The following HNRNPM variants were observed in gnomAD, a reference collection of about 807,000 sequenced individuals.
HNRNPM encodes heterogeneous nuclear ribonucleoprotein M.
HNRNPM carries 11 observed loss-of-function variants against 73.1 expected under a neutral mutation model. The observed-to-expected ratio is 0.15, with a 90% confidence interval of 0.09 to 0.25. The LOEUF (loss-of-function observed/expected upper bound fraction) is 0.25, where lower values mean the gene tolerates loss of function less well. HNRNPM is among the 10% of genes least tolerant of loss of function. HNRNPM has a pLI of 1.00. For missense variants in HNRNPM, 789 were observed against 1,067.9 expected (o/e 0.74, Z 3.64); for synonymous variants, 407 against 355.2 (o/e 1.15, Z -1.64).
Position 8,488,987 on chromosome 19 carries a change from C to G in HNRNPM, c.*133C>G. 1.2e-6 allele frequency: 1 copy of G among 810,236 alleles called. No individual in the cohort carries two copies. The highest frequency in any genetic ancestry group is 1.9e-6 in the Non-Finnish European group (1 of 526,906). 50.2% of individuals were successfully genotyped at this position (810,236 alleles called of 1,614,324 possible). ...TTGCTTTTTGGGGTAATTTGAATTA[C>G]TTTTTTAATGACTGGGGTTCCATTT... On this transcript the variant is annotated 3_prime_UTR_variant, in exon 16 of 16. Coordinates refer to ENST00000325495, the MANE Select transcript of HNRNPM (RefSeq NM_005968.5).
intron 9 of HNRNPM, among the ~76,000 whole-genome samples, chr19:8,470,577 C>G (rs762002001): frequency 6.6e-6 from 1 of 152,226 alleles, no homozygotes; most frequent in Non-Finnish European, 1.5e-5. Flanking sequence ...ATCCACCCGC[C>G]TTGGCCTCCC....
At chr19:8,468,710 C>A in intron 8 of HNRNPM, 64 bp from the exon 9 acceptor site, 1 of 1,268,522 alleles carries the variant, frequency 7.9e-7, no homozygotes, top group Non-Finnish European at 1.2e-6. Context: ...CCATTTCAGT[C>A]TTTTGCTGTT....
intron 8 of HNRNPM, among the ~76,000 whole-genome samples, chr19:8,467,920 G>T (rs561695215): frequency 6.6e-6 from 1 of 152,246 alleles, no homozygotes; most frequent in East Asian, 1.9e-4. Flanking sequence ...CCAGCTACTC[G>T]GGAGGCTGAG....
rs778980683 is a variant in HNRNPM, at chr19:8,462,606, T to G, written c.336+25T>G. The stretch of plus-strand genomic sequence containing the variant: ...GGTAAGTGTCTGAGAGAATTTCTTC[T>G]GTGGATTTACTACATGAAAAATGTA... On this transcript the variant is annotated intron_variant, in intron 3 of 15. Transcript: ENST00000325495. The surrounding 1 kb of genome is among the most constrained non-coding windows in gnomAD (Gnocchi z 4.5). The G allele has an allele frequency of 6.3e-7, 1 of 1,589,514 alleles. No homozygotes were observed. Among genetic ancestry groups the G allele is most frequent in the African/African-American group, 1.3e-5 (1 of 74,464 alleles).
chr19:8,471,861 G>C (rs1170950462), intron 10 of HNRNPM, among the ~76,000 whole-genome samples: 5 of 152,062 alleles, frequency 3.3e-5, no homozygotes, highest in Non-Finnish European at 7.4e-5. Context: ...AGAGAGCTAG[G>C]GGCATTGATA....
At position 8,486,195 on chromosome 19, in the gene HNRNPM, C is replaced by T. The variant is rs149350866; in HGVS notation, c.1767C>T (p.Leu589=). 2.5e-5 allele frequency: 39 copies of T among 1,583,286 alleles called. No homozygotes were observed. Among genetic ancestry groups the T allele is most frequent in the Admixed American group, 1.5e-4 (9 of 58,928 alleles). Residue 589 remains leucine (L), a synonymous_variant, in exon 14 of 16, where the codon CTC becomes CTT. Transcript: ENST00000325495. ...MGLERMGANS[L]ERMGPAMGPA... The stretch of plus-strand genomic sequence containing the variant: ...TGGAGCGCATGGGTGCCAACAGCCT[C>T]GAGCGCATGGGCCCTGCCATGGGCC...
chr19:8,479,280 G>C (rs1970740220), intron 12 of HNRNPM, among the ~76,000 whole-genome samples: 1 of 151,716 alleles, frequency 6.6e-6, no homozygotes, highest in Admixed American at 6.6e-5. Context: ...GGGTTTCACT[G>C]TGTTGGCCAG....
chr19:8,481,397 C>T (rs62119395), intron 12 of HNRNPM: 3,817 of 152,864 alleles, frequency 0.025, 67 homozygotes, highest in Middle Eastern at 0.05. Flanking sequence ...GAGCGGCTGG[C>T]GGCGGTGGGT....
At chr19:8,469,173 G>T (rs555885198) in intron 9 of HNRNPM, among the ~76,000 whole-genome samples, 2 of 152,322 alleles carry the variant, frequency 1.3e-5, no homozygotes, top group African/African-American at 4.8e-5. Flanking sequence ...AGTCCCATGT[G>T]GGCTAGCAGT....
Position 8,445,137 on chromosome 19 carries a change from C to G in HNRNPM, c.113+26C>G, listed in dbSNP as rs1057489777. The G allele has an allele frequency of 3.6e-6, 5 of 1,375,468 alleles. No individual in the cohort carries two copies. The South Asian group carries it at 6.9e-5, about 19-fold the overall frequency. 85.2% of individuals were successfully genotyped at this position (1,375,468 alleles called of 1,614,324 possible). On this transcript the variant is annotated intron_variant, in intron 1 of 15. Transcript: ENST00000325495. Reference sequence around the variant, plus strand: ...GTGAGTATCCCACGGTCCTTTGCCACGGGTAAGGGTTCCTCTCCGCGGCCG... The same window carrying G: ...GTGAGTATCCCACGGTCCTTTGCCAGGGGTAAGGGTTCCTCTCCGCGGCCG...
chr19:8,450,117 T>A (rs962093356), intron 1 of HNRNPM, among the ~76,000 whole-genome samples: 6 of 152,210 alleles, frequency 3.9e-5, no homozygotes, highest in African/African-American at 1.4e-4. Context: ...CTGTGAATAG[T>A]GCTCTCCACA....
intron 13 of HNRNPM, among the ~76,000 whole-genome samples, chr19:8,484,173 C>CTTT (rs33931165): frequency 3.6e-5 from 4 of 110,166 alleles, no homozygotes; most frequent in Admixed American, 1.0e-4. Context: ...CCTCCCATTT[C>CTTT]TTTTTTTTTT....
Position 8,485,647 on chromosome 19 carries a change from G to A in HNRNPM, c.1219G>A (p.Gly407Ser). The change falls in exon 14 of 16, where the codon GGC becomes AGC. Residue 407 changes from glycine (G) to serine (S), a missense_variant. By Grantham distance (56) the Gly-to-Ser change is moderately conservative. Coordinates refer to ENST00000325495, the MANE Select transcript of HNRNPM (RefSeq NM_005968.5). The part of the protein sequence containing the change: ...SVPGIERMGP[G>S]IDRLGGAGME... ...CCCTGGGATCGAGAGGATGGGTCCT[G>A]GCATTGACCGCCTCGGGGGTGCCGG... 6.2e-7 allele frequency: 1 copy of A among 1,607,368 alleles called. No homozygotes were observed. The highest frequency in any genetic ancestry group is 1.1e-5 in the South Asian group (1 of 90,996).
chr19:8,471,221 G>A, intron 9 of HNRNPM, 105 bp from the exon 10 acceptor site: 1 of 573,236 alleles, frequency 1.7e-6, no homozygotes. Context: ...GGTGGGGGTG[G>A]GTAGGCTGAA....
At chr19:8,484,541 A>T (rs1436237806) in intron 13 of HNRNPM, among the ~76,000 whole-genome samples, 1 of 152,200 alleles carries the variant, frequency 6.6e-6, no homozygotes, top group Non-Finnish European at 1.5e-5. Context: ...ACTGTGGGGA[A>T]GTTCTGAGAC....
intron 1 of HNRNPM, among the ~76,000 whole-genome samples, chr19:8,449,492 A>T (rs891289830): frequency 3.3e-5 from 5 of 152,090 alleles, no homozygotes; most frequent in African/African-American, 1.2e-4. Flanking sequence ...CAATAAAATT[A>T]TTGGTAGAAA....
intron 14 of HNRNPM, 84 bp from the exon 15 acceptor site, chr19:8,486,940 G>A: frequency 9.6e-7 from 1 of 1,039,806 alleles, no homozygotes; most frequent in Non-Finnish European, 1.5e-6. Flanking sequence ...GAGAAATCTA[G>A]CATGGCCCTC....
rs558277951 is a variant in HNRNPM, at chr19:8,471,421, C to A, written c.991C>A (p.Pro331Thr). The A allele has an allele frequency of 2.5e-6, 4 of 1,590,540 alleles. No individual in the cohort carries two copies. In the East Asian group the frequency reaches 9.2e-5, roughly 37 times the overall value. ...NKGIGMGNIGPAGMGMEGIGF... is the reference protein window; with the variant it reads ...NKGIGMGNIGTAGMGMEGIGF... The stretch of plus-strand genomic sequence containing the variant: ...AGGCATCGGAATGGGAAACATAGGT[C>A]CCGCAGGTGAGAATGACAGTGCACC... Residue 331 changes from proline (P) to threonine (T), a missense_variant, in exon 10 of 16, where the codon CCC becomes ACC. Physicochemically the swap from Pro to Thr is conservative, Grantham distance 38. Transcript: ENST00000325495.
intron 5 of HNRNPM, among the ~76,000 whole-genome samples, chr19:8,464,779 A>G (rs1382536722): frequency 6.6e-6 from 1 of 152,088 alleles, no homozygotes; most frequent in African/African-American, 2.4e-5. Flanking sequence ...CAGGACAGAG[A>G]GTTGAAGAAG....
Sources: gnomAD v4.1 joint callset for allele counts (sites outside exome capture counted in the v4.1 genomes callset) on GRCh38, gnomAD v4.1.1 for gene constraint, Gnocchi (gnomAD v3.1) non-coding constraint, MANE v1.5 for transcripts, NCBI Gene and HGNC (gene_info 2026-07-23, HGNC 2026-07-21) for gene names.